TRIM2: variants seen among roughly 807,000 people sequenced by gnomAD.
TRIM2 encodes tripartite motif-containing protein 2.
TRIM2 carries 20 observed loss-of-function variants against 75.2 expected under a neutral mutation model. That is an observed-to-expected ratio of 0.27 (90% CI 0.19 to 0.39). TRIM2 has a LOEUF of 0.39. Ranked by LOEUF, TRIM2 falls within the 10% of genes least tolerant of loss-of-function variation. The pLI, the probability that TRIM2 is intolerant of heterozygous loss-of-function variation, is 1.00. For synonymous variants in TRIM2, 373 were observed against 388.3 expected (o/e 0.96, Z 0.46); for missense variants, 660 against 990.8 (o/e 0.67, Z 4.48).
intron 1 of TRIM2, among the ~76,000 whole-genome samples, chr4:153,240,474 T>G (rs539614109): frequency 2.4e-4 from 37 of 152,308 alleles, no homozygotes; most frequent in Admixed American, 9.1e-4. Context: ...AAAAATCAAA[T>G]AATGTTTAGT....
chr4:153,278,387 TACAGGTATGCGCCACTG>T (rs1758485061), intron 3 of TRIM2, among the ~76,000 whole-genome samples: 1 of 152,232 alleles, frequency 6.6e-6, no homozygotes, highest in Non-Finnish European at 1.5e-5. Flanking sequence ...GTGCTGAAAT[TACAGGTATGCGCCACTG>T]TGCCCAGCCA....
At chr4:153,192,178 G>A (rs1408298659) in intron 1 of TRIM2, among the ~76,000 whole-genome samples, 1 of 152,088 alleles carries the variant, frequency 6.6e-6, no homozygotes, top group African/African-American at 2.4e-5. Flanking sequence ...TTAAGCACAG[G>A]GCCACAGGCC....
At chr4:153,282,801 TTGG>T (rs1759647070) in intron 3 of TRIM2, among the ~76,000 whole-genome samples, 2 of 151,874 alleles carry the variant, frequency 1.3e-5, no homozygotes, top group African/African-American at 4.8e-5. Context: ...AATTTTTTTT[TTGG>T]AGACAAAAAA....
At chr4:153,297,563 T>C (rs942000404) in intron 6 of TRIM2, among the ~76,000 whole-genome samples, 1 of 152,216 alleles carries the variant, frequency 6.6e-6, no homozygotes, top group Non-Finnish European at 1.5e-5. Flanking sequence ...AGATTATCCC[T>C]ACTACCTTTT....
intron 6 of TRIM2, among the ~76,000 whole-genome samples, chr4:153,313,880 G>A (rs1276415555): frequency 4.6e-5 from 7 of 151,884 alleles, no homozygotes; most frequent in African/African-American, 7.3e-5. Context: ...CAGGTAATTC[G>A]TCCATCTCGG....
chr4:153,162,146 A>G (rs993497478), intron 1 of TRIM2, among the ~76,000 whole-genome samples: 4 of 152,226 alleles, frequency 2.6e-5, no homozygotes, highest in Admixed American at 1.3e-4. Flanking sequence ...TGCTTGGCAT[A>G]TAGTACATCT....
chr4:153,289,149 T>C (rs1056535221), intron 3 of TRIM2, among the ~76,000 whole-genome samples: 1 of 152,286 alleles, frequency 6.6e-6, no homozygotes, highest in African/African-American at 2.4e-5. Context: ...TTTTTTCCAT[T>C]GGAAACTGAA....
At chr4:153,218,638 C>T (rs1232363357) in intron 1 of TRIM2, among the ~76,000 whole-genome samples, 3 of 152,184 alleles carry the variant, frequency 2.0e-5, no homozygotes, top group Admixed American at 6.5e-5. Context: ...CAAGTCTACC[C>T]TTTCCGTATA....
intron 1 of TRIM2, among the ~76,000 whole-genome samples, chr4:153,223,878 GC>G (rs1319843208): frequency 6.6e-6 from 1 of 152,230 alleles, no homozygotes; most frequent in Non-Finnish European, 1.5e-5. Context: ...GATTAGGCTA[GC>G]CCCTTAGGGT....
At position 153,285,177 on chromosome 4, in the gene TRIM2, A is replaced by AT. The variant is rs1260932910; in HGVS notation, c.454-7805_454-7804insT. Among the ~76,000 whole-genome samples, 6 of 152,332 alleles carry AT rather than the reference A, an allele frequency of 3.9e-5. No individual in the cohort carries two copies. The East Asian group carries it at 7.7e-4, about 20-fold the overall frequency. On this transcript the variant is annotated intron_variant, in intron 3 of 11. Transcript: ENST00000338700. Reference sequence around the variant, plus strand: ...TGTGAATTTCTAGTTACCTCAGCATAATATGTTGAAAAGGCAATTTTTCCC... The same window carrying AT: ...TGTGAATTTCTAGTTACCTCAGCATATATATGTTGAAAAGGCAATTTTTCCC...
chr4:153,226,277 T>C (rs1421158069), intron 1 of TRIM2, among the ~76,000 whole-genome samples: 1 of 152,228 alleles, frequency 6.6e-6, no homozygotes, highest in Non-Finnish European at 1.5e-5. Flanking sequence ...TAGATGAAAT[T>C]TGTCTATGCA....
chr4:153,253,975 C>T (rs35881163), intron 1 of TRIM2, among the ~76,000 whole-genome samples: 48,605 of 151,990 alleles, frequency 0.32, 8,053 homozygotes, highest in African/African-American at 0.39. Context: ...TTACTTTGCA[C>T]TGTGGACTCG....
chr4:153,260,051 T>C (rs967126026), intron 1 of TRIM2, among the ~76,000 whole-genome samples: 1 of 152,218 alleles, frequency 6.6e-6, no homozygotes, highest in Admixed American at 6.5e-5. Context: ...AATTAAATAA[T>C]GTGCTTCGTA....
intron 1 of TRIM2, among the ~76,000 whole-genome samples, chr4:153,256,515 G>A (rs1252259049): frequency 2.0e-5 from 3 of 152,136 alleles, no homozygotes; most frequent in Non-Finnish European, 4.4e-5. Flanking sequence ...AAAAAGGAAC[G>A]GTTGTGAATT....
At chr4:153,206,255 G>C (rs1037381656) in intron 1 of TRIM2, among the ~76,000 whole-genome samples, 10 of 152,226 alleles carry the variant, frequency 6.6e-5, no homozygotes, top group African/African-American at 2.4e-4. Context: ...GTTGTCACTT[G>C]TGCTTCTGAC....
intron 1 of TRIM2, among the ~76,000 whole-genome samples, chr4:153,192,389 T>C (rs1733285701): frequency 1.3e-5 from 2 of 151,970 alleles, no homozygotes; most frequent in African/African-American, 4.8e-5. Context: ...GGTGGATCAC[T>C]TGACCTCAGG....
chr4:153,206,007 C>T (rs74744778), intron 1 of TRIM2, among the ~76,000 whole-genome samples: 2,744 of 152,298 alleles, frequency 0.018, 65 homozygotes, highest in South Asian at 0.1. Flanking sequence ...TTGACTCTCC[C>T]AGGTGGGGTG....
intron 2 of TRIM2, among the ~76,000 whole-genome samples, chr4:153,275,451 T>C (rs915998686): frequency 6.6e-6 from 1 of 152,234 alleles, no homozygotes; most frequent in African/African-American, 2.4e-5. Flanking sequence ...GATGTGTTTC[T>C]TTCAATTTCA....
In TRIM2 at chr4:153,276,079, C is replaced by G. The variant is rs1162804785; in HGVS notation, c.402C>G (p.Val134=). The change falls in exon 3 of 12, where the codon GTC becomes GTG. Residue 134 remains valine, a synonymous_variant. Coordinates refer to ENST00000338700, the MANE Select transcript of TRIM2 (RefSeq NM_015271.5). ...AGGAGTCTTCCATCCTGGAGACAGT[C>G]ACTGCTGTGGCTGCGGGAAAGCCTC... ...NAEESSILET[V]TAVAAGKPLS... 1 of 1,614,244 alleles carries G rather than the reference C, an allele frequency of 6.2e-7. No individual in the cohort carries two copies. The highest frequency in any genetic ancestry group is 1.1e-5 in the South Asian group (1 of 91,082).
Sources: gnomAD v4.1 joint callset for allele counts (sites outside exome capture counted in the v4.1 genomes callset) on GRCh38, gnomAD v4.1.1 for gene constraint, MANE v1.5 for transcripts, NCBI Gene and HGNC (gene_info 2026-07-23, HGNC 2026-07-21) for gene names.